The following DST variants were observed in gnomAD, a reference collection of about 807,000 sequenced individuals.
The protein encoded by DST is dystonin, also known as bullous pemphigoid antigen.
In DST, 253 loss-of-function variants were observed where a neutral mutation model predicts 875.2. That is an observed-to-expected ratio of 0.29 (90% CI 0.26 to 0.32). The LOEUF is 0.32. Ranked by LOEUF, DST falls within the 10% of genes least tolerant of loss-of-function variation. DST has a pLI of 1.00. For missense variants in DST, 8,287 were observed against 9,111.6 expected (o/e 0.91, Z 3.68); for synonymous variants, 3,124 against 3,197.1 (o/e 0.98, Z 0.77).
intron 3 of DST, chr6:56,871,572 T>C: frequency 2.2e-6 from 2 of 920,844 alleles, no homozygotes; most frequent in Non-Finnish European, 3.6e-6. Context: ...GACACACTGC[T>C]GGACCTACAG....
intron 5 of DST, among the ~76,000 whole-genome samples, chr6:56,711,756 GAGA>G (rs1419689206): frequency 5.9e-5 from 9 of 152,236 alleles, no homozygotes; most frequent in Non-Finnish European, 1.2e-4. Context: ...ATATGAGAGA[GAGA>G]AGAACAGCTA....
At chr6:56,844,861 G>A (rs2099805368) in intron 4 of DST, among the ~76,000 whole-genome samples, 4 of 137,866 alleles carry the variant, frequency 2.9e-5, no homozygotes, top group Admixed American at 7.2e-5. Context: ...GACAGAGCAA[G>A]ACTCCGTCTC....
chr6:56,675,147 A>G (rs1209317775), intron 9 of DST, among the ~76,000 whole-genome samples: 1 of 152,214 alleles, frequency 6.6e-6, no homozygotes, highest in African/African-American at 2.4e-5. Flanking sequence ...CCAATAACAC[A>G]CAATGGAGAA....
chr6:56,700,572 A>G (rs2099295869), intron 8 of DST, among the ~76,000 whole-genome samples: 1 of 152,188 alleles, frequency 6.6e-6, no homozygotes, highest in Admixed American at 6.5e-5. Flanking sequence ...GGCATTTGGA[A>G]GGCTGTTCAA....
chr6:56,778,372 A>C (rs1288657593), intron 4 of DST, among the ~76,000 whole-genome samples: 3 of 150,076 alleles, frequency 2.0e-5, no homozygotes, highest in Admixed American at 2.0e-4. Context: ...TTTTTTTTCA[A>C]ATCTGTTAGT....
At chr6:56,753,858 T>C (rs982644653) in intron 4 of DST, among the ~76,000 whole-genome samples, 15 of 152,336 alleles carry the variant, frequency 9.8e-5, no homozygotes, top group African/African-American at 3.4e-4. Flanking sequence ...CATGGAGGCA[T>C]ATTCATTAAC....
At chr6:56,744,380 A>G (rs1225473025) in intron 4 of DST, among the ~76,000 whole-genome samples, 1 of 148,590 alleles carries the variant, frequency 6.7e-6, no homozygotes, top group Non-Finnish European at 1.5e-5. Context: ...CTGTATCTCA[A>G]AAAAAAAAAA....
chr6:56,580,413 G>A (rs1378286004), intron 49 of DST, among the ~76,000 whole-genome samples: 8 of 151,934 alleles, frequency 5.3e-5, no homozygotes, highest in Non-Finnish European at 8.8e-5. Context: ...AGCCGGGCAC[G>A]GTAGTCTGTG....
chr6:56,519,570 C>T (rs1378777843), intron 69 of DST, among the ~76,000 whole-genome samples: 20 of 152,120 alleles, frequency 1.3e-4, no homozygotes, highest in Admixed American at 1.2e-3. Flanking sequence ...CAGAGAAGGC[C>T]TAGTGGAGAG....
At chr6:56,779,227 G>T (rs2099686562) in intron 4 of DST, among the ~76,000 whole-genome samples, 2 of 151,912 alleles carry the variant, frequency 1.3e-5, no homozygotes, top group Non-Finnish European at 2.9e-5. Flanking sequence ...TTTTTGATGG[G>T]GTTGTTTGTT....
chr6:56,594,818 C>T (rs1022886379), intron 47 of DST, among the ~76,000 whole-genome samples: 3 of 152,226 alleles, frequency 2.0e-5, no homozygotes, highest in African/African-American at 7.2e-5. Flanking sequence ...AACTCCTACA[C>T]ATCACAGGTT....
At chr6:56,529,799 G>C in intron 65 of DST, 25 bp from the exon 66 acceptor site, 1 of 1,478,710 alleles carries the variant, frequency 6.8e-7, no homozygotes, top group Middle Eastern at 1.8e-4. Flanking sequence ...AAAAAATAAA[G>C]AAGAAAAACA....
chr6:56,620,138 GC>G (rs1444772892), intron 36 of DST: 1 of 1,613,504 alleles, frequency 6.2e-7, no homozygotes, highest in South Asian at 1.1e-5. Flanking sequence ...TTTCTGAAAT[GC>G]AAGGTCTTTT....
chr6:56,573,962 G>T, intron 50 of DST, 75 bp from the exon 51 acceptor site: 2 of 1,028,042 alleles, frequency 1.9e-6, no homozygotes, highest in Non-Finnish European at 2.8e-6. Flanking sequence ...ACATGAAGGT[G>T]AATCATACAA....
chr6:56,465,690 T>C, intron 99 of DST, among the ~76,000 whole-genome samples: 1 of 152,114 alleles, frequency 6.6e-6, no homozygotes, highest in East Asian at 1.9e-4. Context: ...TAAACTTTTA[T>C]TATCCAGTAT....
At chr6:56,600,691 T>C (rs1419817885) in intron 44 of DST, among the ~76,000 whole-genome samples, 1 of 152,108 alleles carries the variant, frequency 6.6e-6, no homozygotes, top group Non-Finnish European at 1.5e-5. Flanking sequence ...ATATTTTTAC[T>C]TAATCACTAT....
rs1267522779 is a variant in DST at position 56,607,288 on chromosome 6, CTG to C, written c.7338_7339del (p.His2446GlnfsTer6). On this transcript the variant is annotated frameshift_variant, in exon 40 of 104. Transcript: ENST00000680361. LOFTEE classifies it high-confidence loss of function. Reference sequence around the variant, plus strand: ...GTGTGTATCATTAAAACTTCCCTGACTGTGCATCAATTTATCATGACTTAACA... The same window carrying C: ...GTGTGTATCATTAAAACTTCCCTGACTGCATCAATTTATCATGACTTAACA... The C allele has an allele frequency of 6.2e-7, 1 of 1,613,396 alleles. No homozygotes were observed. Among genetic ancestry groups the C allele is most frequent in the Non-Finnish European group, 8.5e-7 (1 of 1,179,642 alleles).
In DST at chr6:56,900,572, G is replaced by C. The variant is rs775954264; in HGVS notation, c.266C>G (p.Ala89Gly). ...CTTCACTTCTTCCAGACGGGCAGCT[G>C]CGGCCGCTGCAACTCGTCTTCTAAG... ...RHLRRRVAAAAAARLEEVKPV... is the reference protein window; with the variant it reads ...RHLRRRVAAAGAARLEEVKPV... Residue 89 changes from alanine to glycine, a missense_variant, in exon 3 of 104, where the codon GCA becomes GGA. Physicochemically the swap from Ala to Gly is moderately conservative, Grantham distance 60 (BLOSUM62 0). Coordinates refer to ENST00000680361, the MANE Select transcript of DST (RefSeq NM_001374736.1). 1 of 1,367,644 alleles carries C rather than the reference G, an allele frequency of 7.3e-7. No homozygotes were observed. The highest frequency in any genetic ancestry group is 1.5e-5 in the African/African-American group (1 of 67,848). 84.7% of individuals were successfully genotyped at this position (1,367,644 alleles called of 1,614,324 possible). A position where few individuals can be genotyped will look rare whatever the true frequency, so the allele number is the denominator to read the frequency against.
rs80260070 is a variant in DST at position 56,487,174 on chromosome 6, G to T, written c.20977C>A (p.Leu6993Met). The change falls in exon 87 of 104, where the codon CTG (leucine) becomes ATG (methionine). Residue 6993 changes from leucine (L) to methionine (M), a missense_variant. By Grantham distance (15) the Leu-to-Met change is conservative. Coordinates refer to ENST00000680361, the MANE Select transcript of DST (RefSeq NM_001374736.1). The stretch of plus-strand genomic sequence containing the variant: ...TCACTCAGCATGTCATCCAGTTTCA[G>T]GTTGTCATCAGCCAGGGAGGTTTTC... ...KEKTSLADDNLKLDDMLSELR... is the reference protein window; with the variant it reads ...KEKTSLADDNMKLDDMLSELR... 6.2e-7 allele frequency: 1 copy of T among 1,613,908 alleles called. No homozygotes were observed. Among genetic ancestry groups the T allele is most frequent in the East Asian group, 2.2e-5 (1 of 44,864 alleles).
Sources: allele counts gnomAD v4.1 joint callset (sites outside exome capture counted in the v4.1 genomes callset), GRCh38; gene constraint gnomAD v4.1.1; transcripts MANE v1.5; gene names NCBI Gene and HGNC (gene_info 2026-07-23, HGNC 2026-07-21).